Variants in SLC12A9 observed in about 807,000 individuals in gnomAD.
SLC12A9 encodes the protein solute carrier family 12 member 9.
In SLC12A9, 55 loss-of-function variants were observed where a neutral mutation model predicts 66.0. The ratio of observed to expected loss-of-function variants is 0.83; its 90% CI spans 0.67 to 1.04. SLC12A9 has a LOEUF of 1.04. Ranked by LOEUF, SLC12A9 falls within the 50% of genes least tolerant of loss-of-function variation. SLC12A9 has a pLI of 0.00. For missense variants in SLC12A9, 1,061 were observed against 1,241.9 expected (o/e 0.85, Z 2.19); for synonymous variants, 577 against 569.0 (o/e 1.01, Z -0.20).
At chr7:100,855,367 C>T (rs527408466) in intron 3 of SLC12A9, 2 of 299,522 alleles carry the variant, frequency 6.7e-6, no homozygotes, top group East Asian at 1.2e-4. Flanking sequence ...AGTGATCCTC[C>T]TGCCTCAGCC....
intron 4 of SLC12A9, chr7:100,856,160 A>C (rs1051047824): frequency 5.0e-6 from 1 of 200,758 alleles, no homozygotes; most frequent in Middle Eastern, 2.0e-3. Flanking sequence ...AGGTGGGCAG[A>C]GGAGGGCTTG....
chr7:100,827,552 A>G (rs1165010790), intron 1 of SLC12A9: 1 of 137,340 alleles, frequency 7.3e-6, no homozygotes, highest in Non-Finnish European at 1.6e-5. Context: ...CCCGGGAGGG[A>G]GGGGCGCGCG....
At chr7:100,860,123 T>G (rs1378749089) in intron 8 of SLC12A9, 27 bp from the exon 9 acceptor site, 1 of 1,614,194 alleles carries the variant, frequency 6.2e-7, no homozygotes, top group Admixed American at 1.7e-5. Flanking sequence ...CTGGCTGATG[T>G]GTCTGCTGTG....
Position 100,859,063 on chromosome 7 carries a change from C to T in SLC12A9, c.879C>T (p.Asp293=), listed in dbSNP as rs1276348226. The T allele has an allele frequency of 1.2e-6, 2 of 1,613,572 alleles. No homozygotes were observed. Among genetic ancestry groups the T allele is most frequent in the Non-Finnish European group, 8.5e-7 (1 of 1,179,984 alleles). The change falls in exon 7 of 14, where the codon GAC becomes GAT. Residue 293 remains aspartate (D), a synonymous_variant. Coordinates refer to ENST00000354161, the MANE Select transcript of SLC12A9 (RefSeq NM_020246.4). ...CCCCCTCTCCAGGGGAGCTGAAGGACCCCAGCCGGGCGATCCCTCTGGGCA... is the reference window on the plus strand; with the variant it reads ...CCCCCTCTCCAGGGGAGCTGAAGGATCCCAGCCGGGCGATCCCTCTGGGCA... ...AGANMSGELK[D]PSRAIPLGTI...
chr7:100,830,526 AAG>A (rs1310558546), intron 1 of SLC12A9, among the ~76,000 whole-genome samples: 3 of 149,462 alleles, frequency 2.0e-5, no homozygotes, highest in Non-Finnish European at 4.5e-5. Context: ...GAAAGAAAGA[AAG>A]AGAGAAAACA....
chr7:100,850,868 T>A (rs1384278060), upstream of SLC12A9, among the ~76,000 whole-genome samples: 1 of 151,720 alleles, frequency 6.6e-6, no homozygotes, highest in Admixed American at 6.6e-5. Context: ...TACAGGTGCG[T>A]GCCACCACGC....
At chr7:100,830,018 A>G (rs1396940940) in intron 1 of SLC12A9, among the ~76,000 whole-genome samples, 3 of 151,646 alleles carry the variant, frequency 2.0e-5, no homozygotes, top group Non-Finnish European at 2.9e-5. Flanking sequence ...ACAGAGCCAC[A>G]CTCTGTCTCC....
intron 7 of SLC12A9, 62 bp downstream of exon 7, chr7:100,859,223 G>GGAAACACAGGCTGGGGGACTGGGAAGCA: frequency 6.8e-7 from 1 of 1,479,674 alleles, no homozygotes; most frequent in Non-Finnish European, 9.4e-7. Context: ...GTCACCAAGG[G>GGAAACACAGGCTGGGGGACTGGGAAGCA]GAAACACAGG....
At position 100,854,614 on chromosome 7, in the gene SLC12A9, C is replaced by T. The variant is rs1261270322; in HGVS notation, c.182-6C>T. On this transcript the variant is annotated splice_region_variant and splice_polypyrimidine_tract_variant and intron_variant, in intron 2 of 13. Coordinates refer to ENST00000354161, the MANE Select transcript of SLC12A9 (RefSeq NM_020246.4). Reference sequence around the variant, plus strand: ...CCTGTGACCTGATTTGCTGCTCCTGCCTCAGGGTTCGTGGTGGGTCATGCT... The same window carrying T: ...CCTGTGACCTGATTTGCTGCTCCTGTCTCAGGGTTCGTGGTGGGTCATGCT... 1 of 1,613,902 alleles carries T rather than the reference C, an allele frequency of 6.2e-7. No individual in the cohort carries two copies. Among genetic ancestry groups the T allele is most frequent in the Non-Finnish European group, 8.5e-7 (1 of 1,179,924 alleles).
At chr7:100,853,653 C>G (rs1756927379) in intron 1 of SLC12A9, among the ~76,000 whole-genome samples, 1 of 151,354 alleles carries the variant, frequency 6.6e-6, no homozygotes. Context: ...CCTACGCCTC[C>G]AGGACTCAAG....
rs551352590 is a variant in SLC12A9, at chr7:100,847,578, T to C, written n.229-12307T>C. On this transcript the variant is annotated intron_variant and non_coding_transcript_variant, in intron 1 of 1. Transcript: ENST00000461016. ...GAAAGCGGAAGAGGTGATGGTGGCT[T>C]GGACTTGGGTGGTAAAATGTGGTTG... is the stretch of plus-strand genomic sequence containing the variant. 4.6e-5 allele frequency among the ~76,000 whole-genome samples: 7 copies of C among 152,136 alleles called. No individual in the cohort carries two copies. The Middle Eastern group carries it at 0.01, about 223-fold the overall frequency.
chr7:100,866,380 G>A lies in SLC12A9; in HGVS notation c.2520G>A (p.Leu840=). ...AEALARSANA[L]VRAQQGRGTG... The stretch of plus-strand genomic sequence containing the variant: ...CCCTGGCACGCAGCGCCAACGCCCT[G>A]GTTCGGGCCCAGCAGGGGCGCGGCA... The change falls in exon 14 of 14, where the codon CTG becomes CTA. Residue 840 remains leucine (L), a synonymous_variant. Transcript: ENST00000354161. The surrounding 1 kb of genome is among the most constrained non-coding windows in gnomAD (Gnocchi z 7.3). The A allele has an allele frequency of 6.6e-7, 1 of 1,526,670 alleles. No homozygotes were observed. Among genetic ancestry groups the A allele is most frequent in the South Asian group, 1.2e-5 (1 of 80,354 alleles). The allele number at this position is 1,526,670 out of a possible 1,614,324, so 94.6% of individuals were successfully genotyped here.
At chr7:100,853,674 GTC>G (rs962259712) in intron 1 of SLC12A9, among the ~76,000 whole-genome samples, 1 of 150,580 alleles carries the variant, frequency 6.6e-6, no homozygotes, top group Non-Finnish European at 1.5e-5. Flanking sequence ...CGATTCTCGT[GTC>G]TCAGCCTCCC....
chr7:100,863,062 C>CT lies in SLC12A9; in HGVS notation c.1858+253dup, dbSNP rs759001347. On this transcript the variant is annotated intron_variant, in intron 13 of 13. Transcript: ENST00000354161. Reference sequence around the variant, plus strand: ...ATGTTGTGGGTTTTTTTTCCTTCTTCTTTTTTTTTTTTTTTTTTGAGACGG... The same window carrying CT: ...ATGTTGTGGGTTTTTTTTCCTTCTTCTTTTTTTTTTTTTTTTTTTGAGACGG... Among the ~76,000 whole-genome samples the CT allele has an allele frequency of 0.026, 3,547 of 136,468 alleles. 263 individuals carry two copies. The East Asian group carries it at 0.29, about 11-fold the overall frequency. 89.5% of individuals were successfully genotyped at this position (136,468 alleles called of 152,430 possible).
At position 100,860,545 on chromosome 7, in the gene SLC12A9, G is replaced by C. The variant is rs190940909; in HGVS notation, c.1218+313G>C. The C allele has an allele frequency of 8.9e-3, 3,517 of 394,302 alleles. 22 individuals carry two copies. Among genetic ancestry groups the C allele is most frequent in the Non-Finnish European group, 0.013 (2,811 of 214,416 alleles). 24.4% of individuals were successfully genotyped at this position (394,302 alleles called of 1,614,324 possible). A position where few individuals can be genotyped will look rare whatever the true frequency, so the allele number is the denominator to read the frequency against. ...TTTTCAGTATTCACTGGCACTTTGT[G>C]GGGTGCCCCAGCACTTTGAGGGATT... On this transcript the variant is annotated intron_variant, in intron 9 of 13. Coordinates refer to ENST00000354161, the MANE Select transcript of SLC12A9 (RefSeq NM_020246.4).
chr7:100,843,239 G>A (rs1813825380), intron 1 of SLC12A9, among the ~76,000 whole-genome samples: 1 of 152,216 alleles, frequency 6.6e-6, no homozygotes, highest in South Asian at 2.1e-4. Flanking sequence ...AGCGAGAGAA[G>A]CCCCTTATGG....
intron 1 of SLC12A9, chr7:100,853,583 C>T (rs1178024533): frequency 6.7e-6 from 1 of 148,880 alleles, no homozygotes; most frequent in Middle Eastern, 3.4e-3. Flanking sequence ...TTTATTGACA[C>T]AGGGTCTCGC....
intron 9 of SLC12A9, 162 bp downstream of exon 9, chr7:100,860,394 C>T (rs1814674494): frequency 5.7e-6 from 4 of 707,832 alleles, no homozygotes; most frequent in Admixed American, 3.0e-5. Context: ...TGGGGTTCAC[C>T]AGCACCTTGC....
chr7:100,839,808 CA>C (rs1487899503), intron 1 of SLC12A9, among the ~76,000 whole-genome samples: 1 of 152,114 alleles, frequency 6.6e-6, no homozygotes, highest in Non-Finnish European at 1.5e-5. Context: ...TTTGGGAGGC[CA>C]AGGCGGGCGG....
Sources: gnomAD v4.1 joint callset for allele counts (sites outside exome capture counted in the v4.1 genomes callset) on GRCh38, gnomAD v4.1.1 for gene constraint, Gnocchi (gnomAD v3.1) non-coding constraint, MANE v1.5 for transcripts, NCBI Gene and HGNC (gene_info 2026-07-23, HGNC 2026-07-21) for gene names.